KLHL1: variants seen among roughly 807,000 people sequenced by gnomAD.
KLHL1 encodes kelch-like protein 1.
KLHL1 carries 47 observed loss-of-function variants against 77.7 expected under a neutral mutation model. The ratio of observed to expected loss-of-function variants is 0.60; its 90% CI spans 0.48 to 0.77. The LOEUF is 0.77. Ranked by LOEUF, KLHL1 falls within the 30% of genes least tolerant of loss-of-function variation. The pLI is 0.00. For synonymous variants in KLHL1, 360 were observed against 325.2 expected, an observed-to-expected ratio of 1.11 and a Z score of -1.15; for missense variants, 925 against 910.8, an observed-to-expected ratio of 1.02 and a Z score of -0.20.
At chr13:69,983,728 A>G (rs1884784337) in intron 1 of KLHL1, among the ~76,000 whole-genome samples, 1 of 151,914 alleles carries the variant, frequency 6.6e-6, no homozygotes, top group African/African-American at 2.4e-5. Context: ...TACTCACATC[A>G]CTGCACTCTA....
chr13:69,975,748 G>T lies in KLHL1; in HGVS notation c.552C>A (p.Ser184Arg), dbSNP rs546688901. The T allele has an allele frequency of 6.2e-7, 1 of 1,613,376 alleles. No homozygotes were observed. The highest frequency in any genetic ancestry group is 1.1e-5 in the South Asian group (1 of 91,020). ...GAACAGCTTGATAGAATTCTTCAGA[G>T]CTACTGGAGTCCAAATCACTTTGAG... ...MTPQSDLDSS[S>R]SEEFYQAVHH... Residue 184 changes from serine (S) to arginine (R), a missense_variant, in exon 2 of 11, where the codon AGC becomes AGA. Transcript: ENST00000377844.
intron 5 of KLHL1, among the ~76,000 whole-genome samples, chr13:69,864,166 G>T (rs1181889658): frequency 1.3e-5 from 2 of 151,880 alleles, no homozygotes; most frequent in Non-Finnish European, 2.9e-5. Context: ...CAAGAAGTAG[G>T]ATGACCTTGT....
At chr13:69,875,149 A>C (rs1158322673) in intron 5 of KLHL1, among the ~76,000 whole-genome samples, 3 of 152,100 alleles carry the variant, frequency 2.0e-5, no homozygotes, top group Admixed American at 6.6e-5. Context: ...GGGGAAAATT[A>C]CACCATAGAG....
intron 4 of KLHL1, among the ~76,000 whole-genome samples, chr13:69,886,917 A>G (rs538872825): frequency 3.9e-5 from 6 of 152,268 alleles, no homozygotes; most frequent in Admixed American, 3.3e-4. Context: ...CTAGATTTCA[A>G]TGCACCAGAG....
intron 1 of KLHL1, among the ~76,000 whole-genome samples, chr13:70,027,649 G>GGTTTTTT (rs1885983910): frequency 7.3e-5 from 8 of 109,334 alleles, no homozygotes; most frequent in Admixed American, 5.8e-4. Context: ...CAAAATGTAA[G>GGTTTTTT]TTGTTTTTTT....
chr13:69,778,205 C>T (rs2137996176), intron 7 of KLHL1, among the ~76,000 whole-genome samples: 1 of 152,104 alleles, frequency 6.6e-6, no homozygotes, highest in Admixed American at 6.5e-5. Context: ...GACTTTTAAA[C>T]CACAGAGGAA....
intron 1 of KLHL1, among the ~76,000 whole-genome samples, chr13:70,100,079 G>C (rs1308841922): frequency 6.6e-6 from 1 of 151,762 alleles, no homozygotes; most frequent in Non-Finnish European, 1.5e-5. Context: ...TAACAAAAAA[G>C]CATGCAAAGA....
intron 5 of KLHL1, among the ~76,000 whole-genome samples, chr13:69,842,787 C>T (rs925517035): frequency 2.6e-5 from 4 of 151,682 alleles, no homozygotes; most frequent in Non-Finnish European, 5.9e-5. Flanking sequence ...AATCAACCTA[C>T]GTGCCCATCA....
intron 1 of KLHL1, among the ~76,000 whole-genome samples, chr13:70,040,604 T>G (rs914560042): frequency 1.3e-5 from 2 of 152,212 alleles, no homozygotes; most frequent in African/African-American, 4.8e-5. Context: ...CTATAGCTAA[T>G]ACTTTGTTCC....
chr13:69,837,371 C>A (rs1879040380), intron 6 of KLHL1, among the ~76,000 whole-genome samples: 1 of 151,242 alleles, frequency 6.6e-6, no homozygotes, highest in Non-Finnish European at 1.5e-5. Flanking sequence ...AATTAGTAAG[C>A]AATTTGAAAT....
At chr13:70,018,518 G>A (rs928046603) in intron 1 of KLHL1, among the ~76,000 whole-genome samples, 1 of 152,186 alleles carries the variant, frequency 6.6e-6, no homozygotes, top group African/African-American at 2.4e-5. Context: ...CTGATGCAGA[G>A]AGACACGTTT....
intron 7 of KLHL1, among the ~76,000 whole-genome samples, chr13:69,771,466 T>C (rs977357320): frequency 1.8e-4 from 27 of 152,152 alleles, no homozygotes; most frequent in Non-Finnish European, 1.8e-4. Context: ...CTCTATAAAT[T>C]TCTAGATGTA....
intron 7 of KLHL1, among the ~76,000 whole-genome samples, chr13:69,757,351 A>G (rs756279348): frequency 1.3e-4 from 20 of 152,124 alleles, no homozygotes; most frequent in Admixed American, 9.2e-4. Context: ...CAAAATTTTG[A>G]CTGATAAAAT....
intron 1 of KLHL1, among the ~76,000 whole-genome samples, chr13:70,042,523 A>G (rs1022725763): frequency 6.6e-6 from 1 of 152,154 alleles, no homozygotes; most frequent in African/African-American, 2.4e-5. Context: ...ACCCAAAAGT[A>G]ATTGCACAAT....
intron 7 of KLHL1, among the ~76,000 whole-genome samples, chr13:69,784,835 C>CTAAT (rs1276959813): frequency 2.7e-5 from 4 of 149,914 alleles, no homozygotes; most frequent in African/African-American, 9.8e-5. Context: ...CCAAGCGGAC[C>CTAAT]TAATAGACAT....
chr13:70,098,744 A>T (rs1257161732), intron 1 of KLHL1, among the ~76,000 whole-genome samples: 1 of 151,834 alleles, frequency 6.6e-6, no homozygotes, highest in Admixed American at 6.6e-5. Flanking sequence ...AAAGGATTTC[A>T]CAGAGCATTT....
At chr13:69,876,633 T>C (rs969884744) in intron 5 of KLHL1, among the ~76,000 whole-genome samples, 3 of 152,176 alleles carry the variant, frequency 2.0e-5, no homozygotes, top group African/African-American at 7.2e-5. Context: ...TAAATGTACA[T>C]GCACATAAAC....
chr13:69,761,094 T>C (rs1874999123), intron 7 of KLHL1, among the ~76,000 whole-genome samples: 1 of 152,296 alleles, frequency 6.6e-6, no homozygotes, highest in Non-Finnish European at 1.5e-5. Flanking sequence ...GCACCATCTG[T>C]TAAAAGAAAA....
At chr13:70,021,873 C>A (rs905286393) in intron 1 of KLHL1, among the ~76,000 whole-genome samples, 2 of 151,872 alleles carry the variant, frequency 1.3e-5, no homozygotes, top group Non-Finnish European at 2.9e-5. Context: ...TTTAAGGGTT[C>A]TTTGTATATT....
Sources: allele counts gnomAD v4.1 joint callset (sites outside exome capture counted in the v4.1 genomes callset), GRCh38; gene constraint gnomAD v4.1.1; transcripts MANE v1.5; gene names NCBI Gene and HGNC (gene_info 2026-07-23, HGNC 2026-07-21).